Variants in PARK7 observed in about 807,000 individuals in gnomAD.
PARK7 encodes Parkinsonism associated deglycase, also known as Parkinson disease protein 7.
In PARK7, 14 loss-of-function variants were observed where a neutral mutation model predicts 20.5. The observed-to-expected ratio is 0.68, with a 90% CI of 0.45 to 1.07. The LOEUF (loss-of-function observed/expected upper bound fraction) is 1.07. Among genes scored for constraint, PARK7 ranks in the 50% least tolerant of loss-of-function variants. The pLI is 0.00. For missense variants in PARK7, 234 were observed against 238.1 expected (o/e 0.98, Z 0.11); for synonymous variants, 98 against 84.3 (o/e 1.16, Z -0.89).
chr1:7,977,815 A>G, intron 6 of PARK7, 77 bp downstream of exon 6: 2 of 1,284,680 alleles, frequency 1.6e-6, no homozygotes, highest in East Asian at 2.4e-5. Context: ...GCTGGAGTGC[A>G]GTGGCGTGAT....
Position 7,977,985 on chromosome 1 carries a change from C to CTTT in PARK7, c.409+274_409+276dup, listed in dbSNP as rs34231723. On this transcript the variant is annotated intron_variant, in intron 6 of 6. Coordinates refer to ENST00000338639, the MANE Select transcript of PARK7 (RefSeq NM_007262.5). ...ATGTTGGTCAGGCTGGTCTCAAACTCTTTTTTTTTTTTTTTTTTTTTTTTT... is the reference window on the plus strand; with the variant it reads ...ATGTTGGTCAGGCTGGTCTCAAACTCTTTTTTTTTTTTTTTTTTTTTTTTTTTT... Among the ~76,000 whole-genome samples the CTTT allele has an allele frequency of 4.9e-3, 265 of 53,574 alleles. 84 individuals are homozygous for CTTT. In the East Asian group the frequency reaches 0.15, roughly 31 times the overall value. 35.1% of individuals were successfully genotyped at this position (53,574 alleles called of 152,430 possible).
chr1:7,964,228 C>T (rs1640276946), intron 2 of PARK7, among the ~76,000 whole-genome samples: 1 of 152,130 alleles, frequency 6.6e-6, no homozygotes, highest in Non-Finnish European at 1.5e-5. Context: ...AACTCTGTGC[C>T]AGGCAGCATT....
intron 5 of PARK7, among the ~76,000 whole-genome samples, chr1:7,976,461 C>T (rs372330495): frequency 2.0e-5 from 3 of 152,272 alleles, no homozygotes; most frequent in Non-Finnish European, 2.9e-5. Context: ...TGAAGTTGGC[C>T]GTTTTCAGTG....
At chr1:7,968,102 G>GT (rs1371330098) in intron 3 of PARK7, among the ~76,000 whole-genome samples, 1 of 151,962 alleles carries the variant, frequency 6.6e-6, no homozygotes, top group Admixed American at 6.6e-5. Flanking sequence ...GAGGTCAGGA[G>GT]TTTGAGACCA....
intron 6 of PARK7, among the ~76,000 whole-genome samples, chr1:7,979,625 C>T (rs1020399321): frequency 3.3e-5 from 5 of 152,106 alleles, no homozygotes; most frequent in African/African-American, 9.7e-5. Flanking sequence ...CTCAGCCTCC[C>T]GAGTAGCTGG....
intron 4 of PARK7, among the ~76,000 whole-genome samples, chr1:7,970,267 A>G (rs972940118): frequency 6.6e-6 from 1 of 152,214 alleles, no homozygotes; most frequent in African/African-American, 2.4e-5. Context: ...GTCGATGAAT[A>G]CAGTCCAAAG....
At chr1:7,971,378 C>T (rs755095889) in intron 5 of PARK7, 14 of 262,910 alleles carry the variant, frequency 5.3e-5, no homozygotes, top group African/African-American at 1.3e-4. Flanking sequence ...TGGTGCTTTC[C>T]GCTGGCTTCT....
chr1:7,977,152 C>T (rs1181142538), intron 5 of PARK7, among the ~76,000 whole-genome samples: 7 of 152,166 alleles, frequency 4.6e-5, no homozygotes, highest in Admixed American at 3.9e-4. Flanking sequence ...AAGTTGAGCC[C>T]GCCCCAGTGA....
chr1:7,965,284 T>C (rs1469977491), intron 2 of PARK7, 40 bp from the exon 3 acceptor site: 2 of 1,538,182 alleles, frequency 1.3e-6, no homozygotes, highest in Non-Finnish European at 1.8e-6. Context: ...TCTGAATTTA[T>C]GTTTCAGTGT....
Position 7,984,789 on chromosome 1 carries a change from C to T in PARK7, c.410-105C>T, listed in dbSNP as rs1640783977. ...GTAAATGTTTTTGAATGGTTAGCTA[C>T]AGTGTTGGGTTTATATGCTGTAATA... On this transcript the variant is annotated intron_variant, in intron 6 of 6. Transcript: ENST00000338639. This position sits in a 1 kb window ranked among gnomAD's most constrained non-coding sequence, Gnocchi z 4.3. The T allele has an allele frequency of 3.0e-6, 4 of 1,352,454 alleles. No homozygotes were observed. In the African/African-American group the frequency reaches 4.3e-5, roughly 15 times the overall value. 83.8% of individuals were successfully genotyped at this position (1,352,454 alleles called of 1,614,324 possible). A position where few individuals can be genotyped will look rare whatever the true frequency, so the allele number is the denominator to read the frequency against.
intron 2 of PARK7, 149 bp from the exon 3 acceptor site, chr1:7,965,175 G>A: frequency 2.9e-6 from 2 of 698,598 alleles, no homozygotes. Context: ...CCAGGAGCTG[G>A]AGGCTGCAGT....
Position 7,962,981 on chromosome 1 carries a change from A to G in PARK7, c.90+106A>G, listed in dbSNP as rs1358182633. On this transcript the variant is annotated intron_variant, in intron 2 of 6. Coordinates refer to ENST00000338639, the MANE Select transcript of PARK7 (RefSeq NM_007262.5). ...GTGCTCTATGAAATATTTCAAATAT[A>G]CACAAAATTTCAGAGATGACATAAG... The G allele has an allele frequency of 3.2e-6, 3 of 947,240 alleles. No homozygotes were observed. The East Asian group carries it at 7.4e-5, about 23-fold the overall frequency. 58.7% of individuals were successfully genotyped at this position (947,240 alleles called of 1,614,324 possible).
At position 7,979,612 on chromosome 1, in the gene PARK7, C is replaced by T. The variant is rs534129564; in HGVS notation, c.409+1874C>T. 2.0e-5 allele frequency among the ~76,000 whole-genome samples: 3 copies of T among 152,218 alleles called. No individual in the cohort carries two copies. The East Asian group carries it at 5.8e-4, about 29-fold the overall frequency. On this transcript the variant is annotated intron_variant, in intron 6 of 6. Coordinates refer to ENST00000338639, the MANE Select transcript of PARK7 (RefSeq NM_007262.5). ...ACCTCTTGGGATCAGGCAATCCTCT[C>T]ACCTCAGCCTCCCGAGTAGCTGGAA...
At chr1:7,981,158 C>T (rs940089610) in intron 6 of PARK7, among the ~76,000 whole-genome samples, 19 of 152,206 alleles carry the variant, frequency 1.2e-4, no homozygotes, top group Non-Finnish European at 1.9e-4. Flanking sequence ...AGCCTGGCAT[C>T]GTGGGGTGGC....
chr1:7,976,080 C>G (rs1424796265), intron 5 of PARK7, among the ~76,000 whole-genome samples: 1 of 152,186 alleles, frequency 6.6e-6, no homozygotes, highest in Non-Finnish European at 1.5e-5. Flanking sequence ...TTTGTAACAG[C>G]TACGGTCTGA....
chr1:7,966,713 C>CT (rs1272100984), intron 3 of PARK7, among the ~76,000 whole-genome samples: 1 of 152,038 alleles, frequency 6.6e-6, no homozygotes, highest in African/African-American at 2.4e-5. Context: ...GAGACCCTGT[C>CT]TCAAAAATAA....
chr1:7,979,253 T>C (rs1338349374), intron 6 of PARK7, among the ~76,000 whole-genome samples: 1 of 152,214 alleles, frequency 6.6e-6, no homozygotes, highest in Non-Finnish European at 1.5e-5. Context: ...TTTAGTTTTT[T>C]AGAGCAGTTT....
intron 1 of PARK7, 21 bp from the exon 2 acceptor site, chr1:7,962,738 ATCTT>A: frequency 1.5e-6 from 2 of 1,333,592 alleles, no homozygotes; most frequent in African/African-American, 1.5e-5. Context: ...GTTTTTTGAA[ATCTT>A]TTTTTTTTTT....
At chr1:7,968,039 GTGGTT>G (rs1251304135) in intron 3 of PARK7, among the ~76,000 whole-genome samples, 2 of 152,088 alleles carry the variant, frequency 1.3e-5, no homozygotes, top group African/African-American at 4.8e-5. Context: ...GCCGGCCACA[GTGGTT>G]CACGCCTGTA....
Sources: gnomAD v4.1 joint callset for allele counts (sites outside exome capture counted in the v4.1 genomes callset) on GRCh38, gnomAD v4.1.1 for gene constraint, Gnocchi (gnomAD v3.1) non-coding constraint, MANE v1.5 for transcripts, NCBI Gene and HGNC (gene_info 2026-07-23, HGNC 2026-07-21) for gene names.